SHC3: variants seen among roughly 807,000 people sequenced by gnomAD.
SHC3 encodes SHC-transforming protein 3.
A neutral mutation model predicts 60.4 loss-of-function variants in SHC3; 15 were observed. The ratio of observed to expected loss-of-function variants is 0.25; its 90% confidence interval spans 0.17 to 0.38. The LOEUF (loss-of-function observed/expected upper bound fraction) is 0.38. Ranked by LOEUF, SHC3 falls within the 10% of genes least tolerant of loss-of-function variation. SHC3 has a pLI of 1.00. For synonymous variants in SHC3, 294 were observed against 325.9 expected (o/e 0.90, Z 1.05); for missense variants, 677 against 786.1 (o/e 0.86, Z 1.66).
intron 1 of SHC3, among the ~76,000 whole-genome samples, chr9:89,152,220 C>T (rs545371654): frequency 7.9e-5 from 12 of 152,204 alleles, no homozygotes; most frequent in African/African-American, 1.4e-4. Flanking sequence ...TTGTTAAAAA[C>T]GGGAGAATCC....
chr9:89,017,322 A>G (rs1425743994), intron 11 of SHC3, among the ~76,000 whole-genome samples: 1 of 152,218 alleles, frequency 6.6e-6, no homozygotes, highest in Admixed American at 6.5e-5. Flanking sequence ...GGAACAGAAC[A>G]GAGGCCTCAG....
intron 2 of SHC3, among the ~76,000 whole-genome samples, chr9:89,098,800 C>G (rs1025967096): frequency 1.3e-5 from 2 of 148,628 alleles, no homozygotes; most frequent in African/African-American, 4.9e-5. Flanking sequence ...GAGAATGAGA[C>G]CCCATCTCAA....
chr9:89,025,169 A>G (rs73496073), intron 11 of SHC3, among the ~76,000 whole-genome samples: 6,679 of 151,632 alleles, frequency 0.044, 187 homozygotes, highest in East Asian at 0.092. Context: ...TCTTGTGATT[A>G]AAACATGAGT....
At chr9:89,054,609 T>C (rs1380523980) in intron 6 of SHC3, among the ~76,000 whole-genome samples, 3 of 152,260 alleles carry the variant, frequency 2.0e-5, no homozygotes, top group Non-Finnish European at 1.5e-5. Context: ...TCCAGCCTGC[T>C]GGGCTTCACC....
chr9:89,097,106 GAAAA>G (rs10523898), intron 2 of SHC3, among the ~76,000 whole-genome samples: 1 of 81,098 alleles, frequency 1.2e-5, no homozygotes, highest in Non-Finnish European at 2.4e-5. Flanking sequence ...TCGCTCTCAT[GAAAA>G]AAAAAAAAAA....
At chr9:89,072,829 T>A (rs1479271642) in intron 4 of SHC3, among the ~76,000 whole-genome samples, 1 of 152,180 alleles carries the variant, frequency 6.6e-6, no homozygotes, top group Non-Finnish European at 1.5e-5. Flanking sequence ...TAATCATACA[T>A]CCCAGGGATT....
chr9:89,083,193 T>C (rs1825473495), intron 2 of SHC3, among the ~76,000 whole-genome samples: 1 of 152,268 alleles, frequency 6.6e-6, no homozygotes, highest in Non-Finnish European at 1.5e-5. Context: ...GGAGACAGGA[T>C]AACACAGTCA....
At chr9:89,117,020 C>T (rs977000106) in intron 1 of SHC3, among the ~76,000 whole-genome samples, 6 of 152,146 alleles carry the variant, frequency 3.9e-5, no homozygotes, top group East Asian at 1.9e-4. Context: ...AGATCACAAC[C>T]GAGTTTGCAG....
intron 2 of SHC3, chr9:89,109,783 T>C: frequency 2.0e-6 from 2 of 985,522 alleles, no homozygotes; most frequent in Non-Finnish European, 2.4e-6. Context: ...TTTGCTCTTT[T>C]GTTCAGACTC....
At chr9:89,045,102 G>A (rs1272500025) in intron 9 of SHC3, among the ~76,000 whole-genome samples, 1 of 151,964 alleles carries the variant, frequency 6.6e-6, no homozygotes, top group Non-Finnish European at 1.5e-5. Context: ...AGGAAACTGG[G>A]GTGAAGTATG....
Position 89,112,600 on chromosome 9 carries a change from G to A in SHC3, c.501C>T (p.Arg167=). The A allele has an allele frequency of 1.3e-6, 2 of 1,595,698 alleles. No individual in the cohort carries two copies. The highest frequency in any genetic ancestry group is 1.7e-6 in the Non-Finnish European group (2 of 1,172,612). Residue 167 remains arginine, a synonymous_variant, in exon 2 of 12, where the codon CGC becomes CGT. Coordinates refer to ENST00000375835, the MANE Select transcript of SHC3 (RefSeq NM_016848.6). ...VKYLGCIEVL[R]SMRSLDFSTR... ...TACTGAAGTCAAGAGACCTCATTGA[G>A]CGCAGAACTTCAATGCACCCCAAGT...
intron 1 of SHC3, among the ~76,000 whole-genome samples, chr9:89,164,878 T>C (rs897916593): frequency 8.6e-5 from 13 of 152,042 alleles, no homozygotes; most frequent in African/African-American, 3.1e-4. Context: ...CCTTCACCAA[T>C]AGAATTGATA....
intron 6 of SHC3, among the ~76,000 whole-genome samples, chr9:89,061,735 G>A (rs1164029479): frequency 1.3e-5 from 2 of 152,190 alleles, no homozygotes; most frequent in Admixed American, 6.5e-5. Context: ...TAAATTGCAC[G>A]CCATTCTGAG....
At chr9:89,014,287 C>T (rs1178377938) in intron 11 of SHC3, among the ~76,000 whole-genome samples, 1 of 152,198 alleles carries the variant, frequency 6.6e-6, no homozygotes, top group East Asian at 1.9e-4. Flanking sequence ...CTGGCCTGCA[C>T]TGTGGTCCCT....
rs76925922 is a variant in SHC3, at chr9:89,094,452, G to C, written c.546-16549C>G. ...GGGGCCCAAGAAACATTTCAAAGAA[G>C]AGCACGCACAATTTGAAGATGATGA... On this transcript the variant is annotated intron_variant, in intron 2 of 11. Coordinates refer to ENST00000375835, the MANE Select transcript of SHC3 (RefSeq NM_016848.6). Among the ~76,000 whole-genome samples, 401 of 152,300 alleles carry C rather than the reference G, an allele frequency of 2.6e-3. 4 individuals carry two copies. The highest frequency in any genetic ancestry group is 8.5e-3 in the African/African-American group (355 of 41,558).
chr9:89,065,400 A>T (rs962249827), intron 6 of SHC3, 129 bp downstream of exon 6: 8 of 985,956 alleles, frequency 8.1e-6, no homozygotes, highest in African/African-American at 1.6e-5. Flanking sequence ...AACCTCATTC[A>T]TCCTTAGTAA....
chr9:89,028,889 T>A (rs987736186), intron 11 of SHC3, among the ~76,000 whole-genome samples: 4 of 147,720 alleles, frequency 2.7e-5, no homozygotes, highest in Non-Finnish European at 6.0e-5. Flanking sequence ...CTAGATATAA[T>A]CTATATCTAT....
intron 2 of SHC3, among the ~76,000 whole-genome samples, chr9:89,110,784 G>A (rs1825935910): frequency 6.6e-6 from 1 of 152,142 alleles, no homozygotes; most frequent in Non-Finnish European, 1.5e-5. Context: ...TGCTCCACTT[G>A]TCCCATTATG....
At chr9:89,071,112 A>G (rs1825263286) in intron 5 of SHC3, 87 bp downstream of exon 5, 1 of 1,240,686 alleles carries the variant, frequency 8.1e-7, no homozygotes, top group Non-Finnish European at 1.2e-6. Flanking sequence ...CCTTTTTTAC[A>G]GTGTCTTGCA....
Sources: allele counts gnomAD v4.1 joint callset (sites outside exome capture counted in the v4.1 genomes callset), GRCh38; gene constraint gnomAD v4.1.1; transcripts MANE v1.5; gene names NCBI Gene and HGNC (gene_info 2026-07-23, HGNC 2026-07-21).